CAV2: variants seen among roughly 807,000 people sequenced by gnomAD.
CAV2 encodes caveolin-2.
A neutral mutation model predicts 15.5 loss-of-function variants in CAV2; 7 were observed. That is an observed-to-expected ratio of 0.45 (90% CI 0.26 to 0.85). The LOEUF (loss-of-function observed/expected upper bound fraction) is 0.85, where lower values mean the gene tolerates loss of function less well. CAV2 is among the 40% of genes least tolerant of loss of function. The probability of loss-of-function intolerance (pLI) is 0.18; values close to 1 mark genes in which losing one functional copy is unlikely to be tolerated. For missense variants in CAV2, 229 were observed against 208.8 expected (o/e 1.10, Z -0.60); for synonymous variants, 76 against 83.1 (o/e 0.91, Z 0.46).
chr7:116,501,868 TGAAAATGTTGCCTTA>T (rs1235320516), intron 2 of CAV2, among the ~76,000 whole-genome samples: 6 of 152,134 alleles, frequency 3.9e-5, no homozygotes, highest in Non-Finnish European at 8.8e-5. Context: ...GCCAGGGAAA[TGAAAATGTTGCCTTA>T]GTACATGATC....
intron 2 of CAV2, among the ~76,000 whole-genome samples, chr7:116,502,093 G>A (rs1793118305): frequency 6.6e-6 from 1 of 152,076 alleles, no homozygotes; most frequent in Non-Finnish European, 1.5e-5. Flanking sequence ...TGACTATGAA[G>A]CTATTTGGAA....
chr7:116,503,399 ACTC>A (rs1793146589), intron 2 of CAV2, among the ~76,000 whole-genome samples: 1 of 151,968 alleles, frequency 6.6e-6, no homozygotes, highest in Admixed American at 6.6e-5. Flanking sequence ...TATAAACTGA[ACTC>A]CTCGAATGTG....
chr7:116,504,006 AAAG>A (rs1252033028), intron 2 of CAV2, among the ~76,000 whole-genome samples: 21 of 137,740 alleles, frequency 1.5e-4, no homozygotes, highest in African/African-American at 2.5e-4. Context: ...AGAAAAAAGA[AAAG>A]AAAGGAAAGA....
intron 2 of CAV2, among the ~76,000 whole-genome samples, chr7:116,503,634 G>A (rs1304010178): frequency 1.3e-5 from 2 of 152,008 alleles, no homozygotes; most frequent in South Asian, 2.1e-4. Flanking sequence ...TTCAAGAACA[G>A]CCTGGCCAAC....
Position 116,500,255 on chromosome 7 carries a change from C to T in CAV2, c.151-5C>T. On this transcript the variant is annotated splice_polypyrimidine_tract_variant and splice_region_variant and intron_variant, in intron 1 of 2. Transcript: ENST00000222693. ...GTTCGGGGTCCCTGCGTCCTGTCTC[C>T]TCAGCTGGGCTTCGAGGATGTGATC... 1 of 1,612,950 alleles carries T rather than the reference C, an allele frequency of 6.2e-7. No individual in the cohort carries two copies. The highest frequency in any genetic ancestry group is 8.5e-7 in the Non-Finnish European group (1 of 1,179,354).
rs376062322 is a variant in CAV2 at position 116,499,738 on chromosome 7, G to C, written c.-44G>C. The stretch of plus-strand genomic sequence containing the variant: ...GGGGAGGCCGCGCGGACCGGGAGCC[G>C]CACCGCGCCAGCCGGGCTGCAGCGG... On this transcript the variant is annotated 5_prime_UTR_variant, in exon 1 of 3. Coordinates refer to ENST00000222693, the MANE Select transcript of CAV2 (RefSeq NM_001233.5). The C allele has an allele frequency of 4.1e-6, 6 of 1,450,560 alleles. No homozygotes were observed. The highest frequency in any genetic ancestry group is 5.5e-6 in the Non-Finnish European group (6 of 1,098,738). The allele number at this position is 1,450,560 out of a possible 1,614,324, so 89.9% of individuals were successfully genotyped here. A position where few individuals can be genotyped will look rare whatever the true frequency, so the allele number is the denominator to read the frequency against.
chr7:116,506,116 G>A lies in CAV2; in HGVS notation c.484G>A (p.Asp162Asn), dbSNP rs150718300. 1.4e-4 allele frequency: 222 copies of A among 1,614,092 alleles called. No individual in the cohort carries two copies. The African/African-American group carries it at 2.3e-3, about 16-fold the overall frequency. Residue 162 changes from aspartate (D) to asparagine (N), a missense_variant, in exon 3 of 3, where the codon GAT (aspartate) becomes AAT (asparagine). By Grantham distance (23) the Asp-to-Asn change is conservative (BLOSUM62 1). Transcript: ENST00000222693. The stretch of plus-strand genomic sequence containing the variant: ...TTCTGTCAGCCTGCAACTGAGCCAG[G>A]ATTGAATACTTGGACCCCAGGTCTG... ...FSSVSLQLSQ[D>N]
At chr7:116,503,999 AAAAAG>A (rs1308620328) in intron 2 of CAV2, among the ~76,000 whole-genome samples, 6 of 148,124 alleles carry the variant, frequency 4.1e-5, no homozygotes, top group Admixed American at 1.4e-4. Context: ...AGAAGAAAGA[AAAAAG>A]AAAAGAAAGG....
chr7:116,501,047 T>C (rs2116118376), intron 2 of CAV2: 1 of 152,274 alleles, frequency 6.6e-6, no homozygotes, highest in Admixed American at 6.5e-5. Context: ...AAACTCCAGC[T>C]GCGGGATAAT....
chr7:116,503,095 C>G (rs1464265217), intron 2 of CAV2, among the ~76,000 whole-genome samples: 2 of 151,568 alleles, frequency 1.3e-5, no homozygotes, highest in African/African-American at 4.8e-5. Context: ...ATAAAAGTCT[C>G]TATCCTATGG....
chr7:116,502,544 A>G (rs1793128286), intron 2 of CAV2, among the ~76,000 whole-genome samples: 1 of 152,238 alleles, frequency 6.6e-6, no homozygotes, highest in South Asian at 2.1e-4. Context: ...AGACCAGATC[A>G]AGGACAGACC....
chr7:116,507,085 G>C lies in CAV2; in HGVS notation c.*964G>C, dbSNP rs1793254492. On this transcript the variant is annotated 3_prime_UTR_variant, in exon 3 of 3. Transcript: ENST00000222693. ...GTAGTTAGAAATTAAATCTGTGTCA[G>C]CATTCCTATTAATGTCTCACTTTAC... 4 of 152,582 alleles carry C rather than the reference G, an allele frequency of 2.6e-5. No individual in the cohort carries two copies. Among genetic ancestry groups the C allele is most frequent in the African/African-American group, 9.7e-5 (4 of 41,418 alleles). The allele number at this position is 152,582 out of a possible 1,614,324, so 9.5% of individuals were successfully genotyped here. A position where few individuals can be genotyped will look rare whatever the true frequency, so the allele number is the denominator to read the frequency against.
In CAV2 at chr7:116,507,282, C is replaced by T. The variant is rs1379368794; in HGVS notation, c.*1161C>T. ...ACAGCTACAAACTTTTAAGATTTCT[C>T]TAATATTGGTATGTAACACAGGATA... is the stretch of plus-strand genomic sequence containing the variant. On this transcript the variant is annotated 3_prime_UTR_variant, in exon 3 of 3. Transcript: ENST00000222693. 1 of 152,186 alleles carries T rather than the reference C, an allele frequency of 6.6e-6. No homozygotes were observed. The highest frequency in any genetic ancestry group is 1.5e-5 in the Non-Finnish European group (1 of 68,022). The allele number at this position is 152,186 out of a possible 1,614,324, so 9.4% of individuals were successfully genotyped here. A position where few individuals can be genotyped will look rare whatever the true frequency, so the allele number is the denominator to read the frequency against.
rs762743961 is a variant in CAV2 at position 116,499,873 on chromosome 7, A to G, written c.92A>G (p.Glu31Gly). 4 of 1,611,756 alleles carry G rather than the reference A, an allele frequency of 2.5e-6. No homozygotes were observed. The African/African-American group carries it at 5.3e-5, about 22-fold the overall frequency. ...HHSGLEYADP[E>G]KFADSDQDRD... The stretch of plus-strand genomic sequence containing the variant: ...AGCGGCCTCGAGTACGCCGACCCCG[A>G]GAAGTTCGCGGACTCGGACCAGGAC... Residue 31 changes from glutamate to glycine, a missense_variant, in exon 1 of 3, where the codon GAG becomes GGG. Physicochemically the swap from Glu to Gly is moderately conservative, Grantham distance 98. Coordinates refer to ENST00000222693, the MANE Select transcript of CAV2 (RefSeq NM_001233.5).
chr7:116,504,982 A>C (rs576117297), intron 2 of CAV2, among the ~76,000 whole-genome samples: 4 of 152,226 alleles, frequency 2.6e-5, no homozygotes, highest in Non-Finnish European at 5.9e-5. Context: ...AAGAATGATA[A>C]ATTTATGTTA....
In CAV2 at chr7:116,499,747, C is replaced by T; in HGVS notation, c.-35C>T. The T allele has an allele frequency of 6.8e-7, 1 of 1,478,382 alleles. No individual in the cohort carries two copies. Among genetic ancestry groups the T allele is most frequent in the Non-Finnish European group, 9.0e-7 (1 of 1,113,806 alleles). 91.6% of individuals were successfully genotyped at this position (1,478,382 alleles called of 1,614,324 possible). A position where few individuals can be genotyped will look rare whatever the true frequency, so the allele number is the denominator to read the frequency against. On this transcript the variant is annotated 5_prime_UTR_variant, in exon 1 of 3. Coordinates refer to ENST00000222693, the MANE Select transcript of CAV2 (RefSeq NM_001233.5). ...GCGCGGACCGGGAGCCGCACCGCGC[C>T]AGCCGGGCTGCAGCGGCCGCGCACC...
rs201414974 is a variant in CAV2 at position 116,505,958 on chromosome 7, T to C, written c.339-13T>C. On this transcript the variant is annotated splice_polypyrimidine_tract_variant and intron_variant, in intron 2 of 2. Coordinates refer to ENST00000222693, the MANE Select transcript of CAV2 (RefSeq NM_001233.5). ...AGCAACAATCCTCACACATCTCTCT[T>C]CCTTCCTTCCAGGATTTTAATGCCT... 32 of 1,599,714 alleles carry C rather than the reference T, an allele frequency of 2.0e-5. No homozygotes were observed. The Admixed American group carries it at 4.0e-4, about 20-fold the overall frequency.
At chr7:116,500,571 G>A (rs1301681939) in intron 2 of CAV2, 124 bp downstream of exon 2, 15 of 862,960 alleles carry the variant, frequency 1.7e-5, no homozygotes, top group South Asian at 1.4e-4. Flanking sequence ...CAGTTCCCAA[G>A]CAGTAGGAAG....
In CAV2 at chr7:116,499,890, G is replaced by A; in HGVS notation, c.109G>A (p.Asp37Asn). ...CGACCCCGAGAAGTTCGCGGACTCGGACCAGGACCGGGATCCCCACCGGCT... is the reference window on the plus strand; with the variant it reads ...CGACCCCGAGAAGTTCGCGGACTCGAACCAGGACCGGGATCCCCACCGGCT... ...YADPEKFADSDQDRDPHRLNS... is the reference protein window; with the variant it reads ...YADPEKFADSNQDRDPHRLNS... The change falls in exon 1 of 3, where the codon GAC becomes AAC. Residue 37 changes from aspartate to asparagine, a missense_variant. Physicochemically the swap from Asp to Asn is conservative, Grantham distance 23. Transcript: ENST00000222693. The A allele has an allele frequency of 6.2e-7, 1 of 1,612,096 alleles. No individual in the cohort carries two copies. The highest frequency in any genetic ancestry group is 8.5e-7 in the Non-Finnish European group (1 of 1,179,502).
Sources: gnomAD v4.1 joint callset for allele counts (sites outside exome capture counted in the v4.1 genomes callset) on GRCh38, gnomAD v4.1.1 for gene constraint, MANE v1.5 for transcripts, NCBI Gene and HGNC (gene_info 2026-07-23, HGNC 2026-07-21) for gene names.